The following OTOG variants were observed in gnomAD, a reference collection of about 807,000 sequenced individuals.
The protein encoded by OTOG is otogelin.
A neutral mutation model predicts 313.8 loss-of-function variants in OTOG; 296 were observed. That is an observed-to-expected ratio of 0.94 (90% CI 0.86 to 1.04). OTOG has a LOEUF of 1.04. OTOG is among the 50% of genes least tolerant of loss of function. The pLI is 0.00. For missense variants in OTOG, 3,948 were observed against 3,840.1 expected (o/e 1.03, Z -0.74); for synonymous variants, 1,533 against 1,554.9 (o/e 0.99, Z 0.33).
intron 40 of OTOG, among the ~76,000 whole-genome samples, chr11:17,631,426 CAT>C (rs35706066): frequency 1.2e-4 from 18 of 149,038 alleles, no homozygotes; most frequent in South Asian, 2.1e-4. Flanking sequence ...ACATGCAATA[CAT>C]ATATATATAT....
chr11:17,559,745 C>T (rs770276969), intron 12 of OTOG, 83 bp downstream of exon 12: 9 of 1,303,538 alleles, frequency 6.9e-6, no homozygotes, highest in Admixed American at 2.3e-5. Flanking sequence ...TCAGAAGATA[C>T]CTGTTTGTGG....
intron 24 of OTOG, among the ~76,000 whole-genome samples, chr11:17,587,970 G>T (rs1370346875): frequency 6.6e-6 from 1 of 152,174 alleles, no homozygotes; most frequent in African/African-American, 2.4e-5. Flanking sequence ...TCAGGCAGGG[G>T]ATAGCTGAGT....
chr11:17,611,045 G>A lies in OTOG; in HGVS notation c.5745G>A (p.Lys1915=), dbSNP rs1196752652. The part of the protein sequence containing the change: ...STTGKVAILS[K]QVSLPTSMYG... ...CAGGGAAGGTGGCCATCCTATCCAAGCAAGTGTCTCTGCCCACTTCCATGT... is the reference window on the plus strand; with the variant it reads ...CAGGGAAGGTGGCCATCCTATCCAAACAAGTGTCTCTGCCCACTTCCATGT... The change falls in exon 36 of 56, where the codon AAG becomes AAA. Residue 1915 remains lysine, a synonymous_variant. Coordinates refer to ENST00000399397, the MANE Select transcript of OTOG (RefSeq NM_001292063.2). 16 of 1,550,504 alleles carry A rather than the reference G, an allele frequency of 1.0e-5. No homozygotes were observed. Among genetic ancestry groups the A allele is most frequent in the African/African-American group, 1.4e-5 (1 of 73,040 alleles).
intron 4 of OTOG, among the ~76,000 whole-genome samples, chr11:17,552,615 T>TGTGTCCCCCACCTGTCCTGTGTCCCC (rs1454853324): frequency 2.1e-4 from 31 of 151,008 alleles, no homozygotes; most frequent in African/African-American, 4.4e-4. Context: ...CCACCTGTCC[T>TGTGTCCCCCACCTGTCCTGTGTCCCC]CTCACATCAT....
chr11:17,554,062 G>C (rs1852002847), intron 6 of OTOG, among the ~76,000 whole-genome samples: 1 of 152,202 alleles, frequency 6.6e-6, no homozygotes, highest in South Asian at 2.1e-4. Flanking sequence ...GAGTAGGAGA[G>C]TGTGGGCAGA....
chr11:17,574,601 C>A, intron 19 of OTOG, 119 bp from the exon 20 acceptor site: 1 of 1,061,486 alleles, frequency 9.4e-7, no homozygotes. Context: ...GCTGTGTGAC[C>A]TCAGACAAAT....
chr11:17,558,991 G>A, intron 10 of OTOG, 61 bp from the exon 11 acceptor site: 2 of 1,297,648 alleles, frequency 1.5e-6, no homozygotes, highest in Non-Finnish European at 2.2e-6. Flanking sequence ...TCTATGGGAT[G>A]CTGGTGGGCT....
chr11:17,623,225 G>T (rs1590049612), intron 39 of OTOG, among the ~76,000 whole-genome samples: 1 of 152,060 alleles, frequency 6.6e-6, no homozygotes, highest in East Asian at 1.9e-4. Context: ...GGAGTTTGTT[G>T]TACAGATTAT....
chr11:17,623,397 A>G (rs1325508099), intron 39 of OTOG, among the ~76,000 whole-genome samples: 2 of 152,064 alleles, frequency 1.3e-5, no homozygotes, highest in Non-Finnish European at 2.9e-5. Flanking sequence ...AACATGCAGT[A>G]TTTGGTTTTC....
intron 33 of OTOG, among the ~76,000 whole-genome samples, chr11:17,607,774 C>T (rs1853424991): frequency 1.3e-5 from 2 of 152,154 alleles, no homozygotes; most frequent in South Asian, 4.1e-4. Context: ...ACGCTTTGGG[C>T]TAGAGGGGAA....
intron 17 of OTOG, among the ~76,000 whole-genome samples, chr11:17,571,021 G>A (rs1852392854): frequency 6.6e-6 from 1 of 152,194 alleles, no homozygotes; most frequent in South Asian, 2.1e-4. Context: ...ACTTAGGAAG[G>A]TTGATTTTAA....
intron 39 of OTOG, among the ~76,000 whole-genome samples, chr11:17,625,423 T>A (rs1421260421): frequency 6.6e-6 from 1 of 152,244 alleles, no homozygotes; most frequent in East Asian, 1.9e-4. Context: ...TCTTGGTTTT[T>A]GTCTTTAGTT....
intron 14 of OTOG, among the ~76,000 whole-genome samples, 182 bp from the exon 15 acceptor site, chr11:17,561,480 G>T (rs1177957584): frequency 6.6e-6 from 1 of 152,070 alleles, no homozygotes; most frequent in East Asian, 1.9e-4. Context: ...TCTCTTCAAG[G>T]AGTTCTCTGG....
chr11:17,635,016 G>A (rs1480107703), intron 45 of OTOG, 64 bp from the exon 46 acceptor site: 4 of 1,533,380 alleles, frequency 2.6e-6, no homozygotes, highest in Admixed American at 2.0e-5. Context: ...AGCTCTGGGG[G>A]CAGGGGCCCA....
intron 39 of OTOG, among the ~76,000 whole-genome samples, chr11:17,619,893 G>A (rs1021469465): frequency 6.6e-6 from 1 of 151,826 alleles, no homozygotes; most frequent in Non-Finnish European, 1.5e-5. Flanking sequence ...TTTTTCTTCT[G>A]CTCGAAAGAC....
intron 15 of OTOG, among the ~76,000 whole-genome samples, chr11:17,562,707 A>T (rs965158751): frequency 1.3e-5 from 2 of 151,868 alleles, no homozygotes; most frequent in African/African-American, 4.8e-5. Context: ...CTCAGTGTTT[A>T]AAAAAAAATC....
intron 23 of OTOG, among the ~76,000 whole-genome samples, chr11:17,582,437 C>T (rs1376300611): frequency 2.0e-5 from 3 of 152,286 alleles, no homozygotes; most frequent in African/African-American, 7.2e-5. Flanking sequence ...GGGTTGTTTT[C>T]AGTTTGGGAC....
intron 33 of OTOG, among the ~76,000 whole-genome samples, chr11:17,607,465 C>A (rs1853417613): frequency 6.6e-6 from 1 of 152,250 alleles, no homozygotes; most frequent in African/African-American, 2.4e-5. Flanking sequence ...AGAACATCTC[C>A]TCTGAAAACC....
intron 39 of OTOG, among the ~76,000 whole-genome samples, chr11:17,618,037 C>T (rs538725801): frequency 2.0e-5 from 3 of 151,986 alleles, no homozygotes; most frequent in Non-Finnish European, 4.4e-5. Context: ...CTCAGCCACC[C>T]GAGTAGCTGG....
Sources: gnomAD v4.1 joint callset for allele counts (sites outside exome capture counted in the v4.1 genomes callset) on GRCh38, gnomAD v4.1.1 for gene constraint, MANE v1.5 for transcripts, NCBI Gene and HGNC (gene_info 2026-07-23, HGNC 2026-07-21) for gene names.